Variants in TMEM131 observed in about 807,000 individuals in gnomAD.
The protein encoded by TMEM131 is 2610524E03Rik.
In TMEM131, 66 loss-of-function variants were observed where a neutral mutation model predicts 211.6. The ratio of observed to expected loss-of-function variants is 0.31; its 90% CI spans 0.26 to 0.38. The LOEUF (loss-of-function observed/expected upper bound fraction) is 0.38. TMEM131 is among the 10% of genes least tolerant of loss of function. TMEM131 has a pLI of 1.00. For missense variants in TMEM131, 2,036 were observed against 2,299.3 expected (o/e 0.89, Z 2.34); for synonymous variants, 844 against 841.3 (o/e 1.00, Z -0.06).
Position 97,812,727 on chromosome 2 carries a change from A to C in TMEM131, c.1640T>G (p.Ile547Arg). 6.3e-7 allele frequency: 1 copy of C among 1,586,246 alleles called. No individual in the cohort carries two copies. Among genetic ancestry groups the C allele is most frequent in the Non-Finnish European group, 8.5e-7 (1 of 1,171,030 alleles). ...TCCAAAATCTATGAAACGTTCCTCTATTTTGGGGGGCAATACAAAGTACTG... is the reference window on the plus strand; with the variant it reads ...TCCAAAATCTATGAAACGTTCCTCTCTTTTGGGGGGCAATACAAAGTACTG... ...FLDYFVLPPK[I>R]EERFIDFGVL... is the part of the protein sequence containing the mutation. Residue 547 changes from isoleucine (I) to arginine (R), a missense_variant, in exon 16 of 41, where the codon ATA becomes AGA. Ile to Arg is a moderately conservative substitution (Grantham distance 97, BLOSUM62 -3). Transcript: ENST00000186436.
chr2:97,939,434 A>G (rs1677612949), intron 1 of TMEM131, among the ~76,000 whole-genome samples: 1 of 152,252 alleles, frequency 6.6e-6, no homozygotes, highest in Non-Finnish European at 1.5e-5. Context: ...GAAGAAATGG[A>G]TAAATTCCTG....
Position 97,812,507 on chromosome 2 carries a change from G to C in TMEM131, c.1777C>G (p.Leu593Val). Reference sequence around the variant, plus strand: ...CTATTGCCTCTTTCCACAGCTACAAGTTCTATTGATAAACCGTCTCCTATG... The same window carrying C: ...CTATTGCCTCTTTCCACAGCTACAACTTCTATTGATAAACCGTCTCCTATG... ...HIIGDGLSIE[L>V]VAVERGNRTT... is the part of the protein sequence containing the mutation. The change falls in exon 17 of 41, where the codon CTT becomes GTT. Residue 593 changes from leucine to valine, a missense_variant. Physicochemically the swap from Leu to Val is conservative, Grantham distance 32. Transcript: ENST00000186436. 1.2e-6 allele frequency: 2 copies of C among 1,612,382 alleles called. No individual in the cohort carries two copies. The highest frequency in any genetic ancestry group is 2.2e-5 in the East Asian group (1 of 44,794).
rs1290514436 is a variant in TMEM131, at chr2:97,927,471, C to T, written c.204G>A (p.Glu68=). The change falls in exon 2 of 41, where the codon GAG becomes GAA. Residue 68 remains glutamate (E), a synonymous_variant. Coordinates refer to ENST00000186436, the MANE Select transcript of TMEM131 (RefSeq NM_015348.2). ...CAAAACGCAGTACTTCTATTATGCT[C>T]TCTGACTGAACGAATGCTGTGAAGA... is the stretch of plus-strand genomic sequence containing the variant. ...RAEKEAFVQS[E]SIIEVLRFDD... is the part of the protein sequence containing the mutation. 1.9e-6 allele frequency: 3 copies of T among 1,581,946 alleles called. No individual in the cohort carries two copies. The highest frequency in any genetic ancestry group is 2.6e-6 in the Non-Finnish European group (3 of 1,165,500).
chr2:97,793,257 A>T, intron 30 of TMEM131, 138 bp downstream of exon 30: 1 of 874,850 alleles, frequency 1.1e-6, no homozygotes, highest in Non-Finnish European at 1.7e-6. Context: ...TCAGAGTTCC[A>T]TACAGGGTGT....
chr2:97,820,075 G>C (rs1328883040), intron 11 of TMEM131, among the ~76,000 whole-genome samples: 2 of 152,208 alleles, frequency 1.3e-5, no homozygotes, highest in African/African-American at 4.8e-5. Flanking sequence ...TGGGCTGTCA[G>C]CAAGTGTTCG....
chr2:97,995,820 G>C lies in TMEM131; in HGVS notation c.-158C>G. ...GATCTCCGAGCGTGGGCCTGGGTCC[G>C]TGCGTGCGTGTGAGCGAGAGTGTCA... On this transcript the variant is annotated 5_prime_UTR_variant, in exon 1 of 41. Coordinates refer to ENST00000186436, the MANE Select transcript of TMEM131 (RefSeq NM_015348.2). 2 of 338,484 alleles carry C rather than the reference G, an allele frequency of 5.9e-6. No individual in the cohort carries two copies. Among genetic ancestry groups the C allele is most frequent in the Non-Finnish European group, 9.6e-6 (2 of 207,792 alleles). 21.0% of individuals were successfully genotyped at this position (338,484 alleles called of 1,614,324 possible).
intron 5 of TMEM131, among the ~76,000 whole-genome samples, chr2:97,845,641 A>G (rs1683389964): frequency 6.6e-6 from 1 of 152,172 alleles, no homozygotes; most frequent in Admixed American, 6.5e-5. Flanking sequence ...GAAATGTTTC[A>G]CATCAATAAT....
intron 1 of TMEM131, among the ~76,000 whole-genome samples, chr2:97,933,877 T>C (rs1573577960): frequency 6.6e-6 from 1 of 152,096 alleles, no homozygotes; most frequent in East Asian, 1.9e-4. Flanking sequence ...CTCAAGAAGA[T>C]AGGAGAAATG....
chr2:97,871,887 G>C (rs1005468145), intron 4 of TMEM131, among the ~76,000 whole-genome samples: 2 of 151,314 alleles, frequency 1.3e-5, no homozygotes, highest in African/African-American at 4.9e-5. Flanking sequence ...GTAATTATAG[G>C]AGTTGCTATG....
chr2:97,906,296 C>A (rs1676066166), intron 3 of TMEM131, among the ~76,000 whole-genome samples: 1 of 152,120 alleles, frequency 6.6e-6, no homozygotes, highest in Non-Finnish European at 1.5e-5. Flanking sequence ...TAGGGCTTAA[C>A]CCAGTCCCAT....
intron 1 of TMEM131, among the ~76,000 whole-genome samples, chr2:97,985,656 T>C (rs1292567849): frequency 2.0e-5 from 3 of 149,696 alleles, no homozygotes; most frequent in South Asian, 2.1e-4. Flanking sequence ...AAAACAGAAA[T>C]GTACAAATGC....
Position 97,809,408 on chromosome 2 carries a change from G to A in TMEM131, c.2055+280C>T, listed in dbSNP as rs75616490. Among the ~76,000 whole-genome samples, 52 of 152,256 alleles carry A rather than the reference G, an allele frequency of 3.4e-4. No homozygotes were observed. In the South Asian group the frequency reaches 3.5e-3, roughly 10 times the overall value. On this transcript the variant is annotated intron_variant, in intron 19 of 40. Transcript: ENST00000186436. Reference sequence around the variant, plus strand: ...CCCATAGCCCCTGCATCAGTGAGACGTGTATTTCCCTCACAGCACTTTATT... The same window carrying A: ...CCCATAGCCCCTGCATCAGTGAGACATGTATTTCCCTCACAGCACTTTATT...
At chr2:97,759,148 T>C in intron 39 of TMEM131, 95 bp from the exon 40 acceptor site, 1 of 1,497,006 alleles carries the variant, frequency 6.7e-7, no homozygotes. Flanking sequence ...CTCCAACCAC[T>C]GCTCCTGGAG....
intron 4 of TMEM131, among the ~76,000 whole-genome samples, chr2:97,883,695 A>T (rs1227412225): frequency 6.6e-6 from 1 of 152,240 alleles, no homozygotes; most frequent in African/African-American, 2.4e-5. Context: ...ATCACAAAAT[A>T]AAAAGTTTAA....
chr2:97,766,007 C>T, intron 35 of TMEM131, 107 bp downstream of exon 35: 2 of 1,416,354 alleles, frequency 1.4e-6, no homozygotes, highest in Admixed American at 4.5e-5. Flanking sequence ...TGGCAAAGCA[C>T]TGTCAATGGG....
At chr2:97,804,308 GA>G (rs1681182738) in intron 22 of TMEM131, among the ~76,000 whole-genome samples, 1 of 152,064 alleles carries the variant, frequency 6.6e-6, no homozygotes, top group African/African-American at 2.4e-5. Context: ...ACCTGCCAAA[GA>G]AACACTGTGG....
chr2:97,908,029 C>T (rs1186182803), intron 3 of TMEM131, among the ~76,000 whole-genome samples: 3 of 152,082 alleles, frequency 2.0e-5, no homozygotes, highest in East Asian at 1.9e-4. Flanking sequence ...CTCTCTCTCA[C>T]CTTTAGGCAC....
chr2:97,990,958 T>C (rs937544089), intron 1 of TMEM131, among the ~76,000 whole-genome samples: 8 of 152,206 alleles, frequency 5.3e-5, no homozygotes, highest in African/African-American at 1.9e-4. Flanking sequence ...TAATTGCCAA[T>C]TGATAGAACA....
intron 1 of TMEM131, among the ~76,000 whole-genome samples, chr2:97,968,084 T>C (rs938982243): frequency 6.6e-6 from 1 of 152,062 alleles, no homozygotes. Flanking sequence ...CAACCACTTA[T>C]AACTCAGCAT....
Sources: gnomAD v4.1 joint callset for allele counts (sites outside exome capture counted in the v4.1 genomes callset) on GRCh38, gnomAD v4.1.1 for gene constraint, MANE v1.5 for transcripts, NCBI Gene and HGNC (gene_info 2026-07-23, HGNC 2026-07-21) for gene names.